CRTAC1: variants seen among roughly 807,000 people sequenced by gnomAD.
The protein encoded by CRTAC1 is cartilage acidic protein 1.
Under a neutral mutation model 67.8 loss-of-function variants are expected in CRTAC1, and 37 were observed. The ratio of observed to expected loss-of-function variants is 0.55; its 90% CI spans 0.42 to 0.72. The LOEUF (loss-of-function observed/expected upper bound fraction) is 0.72, where lower values mean the gene tolerates loss of function less well. Ranked by LOEUF, CRTAC1 falls within the 30% of genes least tolerant of loss-of-function variation. The pLI is 0.00. For missense variants in CRTAC1, 780 were observed against 931.6 expected, an observed-to-expected ratio of 0.84 and a Z score of 2.12; for synonymous variants, 348 against 371.0, an observed-to-expected ratio of 0.94 and a Z score of 0.71.
At chr10:97,994,573 C>T (rs1437045218) in intron 2 of CRTAC1, among the ~76,000 whole-genome samples, 4 of 152,204 alleles carry the variant, frequency 2.6e-5, no homozygotes, top group African/African-American at 9.7e-5. Flanking sequence ...CCTTGGGATT[C>T]TCTCCTCGTC....
chr10:97,910,855 C>T (rs894238342), intron 5 of CRTAC1, among the ~76,000 whole-genome samples: 1 of 152,314 alleles, frequency 6.6e-6, no homozygotes, highest in East Asian at 1.9e-4. Context: ...CTGGATGCCT[C>T]CCAGATTCCT....
chr10:97,905,901 C>T (rs901667648), intron 6 of CRTAC1, among the ~76,000 whole-genome samples: 8 of 152,256 alleles, frequency 5.3e-5, no homozygotes, highest in African/African-American at 1.4e-4. Context: ...TTGCCCAGAG[C>T]GATGGGCTGA....
At chr10:97,920,692 C>T (rs919799139) in intron 4 of CRTAC1, among the ~76,000 whole-genome samples, 3 of 152,190 alleles carry the variant, frequency 2.0e-5, no homozygotes, top group Non-Finnish European at 4.4e-5. Flanking sequence ...CCCCTAACTG[C>T]TCCTCGTCCT....
chr10:98,015,161 AAAAT>A (rs1447157448), intron 1 of CRTAC1, among the ~76,000 whole-genome samples: 3 of 152,234 alleles, frequency 2.0e-5, no homozygotes, highest in Non-Finnish European at 4.4e-5. Context: ...GAAAAAATAA[AAAAT>A]AAATAAAAGG....
intron 2 of CRTAC1, among the ~76,000 whole-genome samples, chr10:97,991,543 T>C (rs1285736072): frequency 6.6e-6 from 1 of 152,146 alleles, no homozygotes; most frequent in Non-Finnish European, 1.5e-5. Flanking sequence ...CCAGGCAAAC[T>C]CCTCCTGTTA....
At chr10:97,871,935 G>A (rs1190476780) in intron 14 of CRTAC1, among the ~76,000 whole-genome samples, 1 of 152,184 alleles carries the variant, frequency 6.6e-6, no homozygotes, top group Non-Finnish European at 1.5e-5. Context: ...AAAAGTGATT[G>A]GGAACCAGCT....
intron 2 of CRTAC1, among the ~76,000 whole-genome samples, chr10:98,008,540 G>A (rs1842843082): frequency 6.6e-6 from 1 of 152,130 alleles, no homozygotes; most frequent in Non-Finnish European, 1.5e-5. Flanking sequence ...TGGGGGAGGA[G>A]TGCAAGGTAC....
intron 1 of CRTAC1, among the ~76,000 whole-genome samples, chr10:98,014,757 C>T (rs1458840197): frequency 2.0e-5 from 3 of 152,214 alleles, no homozygotes; most frequent in Non-Finnish European, 2.9e-5. Context: ...TACCATTTCA[C>T]ACCCATTAGG....
intron 2 of CRTAC1, among the ~76,000 whole-genome samples, chr10:97,963,445 T>C (rs1209800817): frequency 2.0e-5 from 3 of 152,210 alleles, no homozygotes; most frequent in Non-Finnish European, 2.9e-5. Context: ...CTCTCAATTT[T>C]AAGAACCACT....
intron 1 of CRTAC1, among the ~76,000 whole-genome samples, chr10:98,024,174 G>A (rs764374841): frequency 5.9e-5 from 9 of 152,210 alleles, no homozygotes; most frequent in East Asian, 1.9e-4. Flanking sequence ...TCAGGTCACC[G>A]GGACACTCCC....
chr10:98,019,089 T>C (rs1352195020), intron 1 of CRTAC1, among the ~76,000 whole-genome samples: 1 of 151,884 alleles, frequency 6.6e-6, no homozygotes, highest in Non-Finnish European at 1.5e-5. Flanking sequence ...AGCTGGGAAG[T>C]GCTTCCTAGA....
At chr10:97,909,431 A>G (rs913048400) in intron 5 of CRTAC1, among the ~76,000 whole-genome samples, 6 of 152,192 alleles carry the variant, frequency 3.9e-5, no homozygotes, top group Non-Finnish European at 8.8e-5. Context: ...CTTGAGCCTC[A>G]GTTTCCTCAT....
At chr10:97,936,887 G>A (rs1363414736) in intron 2 of CRTAC1, among the ~76,000 whole-genome samples, 1 of 152,184 alleles carries the variant, frequency 6.6e-6, no homozygotes, top group Non-Finnish European at 1.5e-5. Flanking sequence ...CCTAGGAAGT[G>A]TCAGGTGCTG....
intron 5 of CRTAC1, among the ~76,000 whole-genome samples, chr10:97,916,530 G>C (rs981518907): frequency 3.3e-5 from 5 of 152,184 alleles, no homozygotes; most frequent in African/African-American, 1.2e-4. Flanking sequence ...GCAGGACTTT[G>C]AGATGATGCC....
intron 2 of CRTAC1, among the ~76,000 whole-genome samples, chr10:97,940,286 C>T (rs779446070): frequency 3.3e-5 from 5 of 152,212 alleles, no homozygotes; most frequent in Non-Finnish European, 7.3e-5. Context: ...GCAGTCCCCA[C>T]GCTGACAAGC....
At chr10:97,901,880 G>T (rs916286762) in intron 7 of CRTAC1, among the ~76,000 whole-genome samples, 1 of 152,206 alleles carries the variant, frequency 6.6e-6, no homozygotes, top group African/African-American at 2.4e-5. Flanking sequence ...GTGCTTAGCC[G>T]ATCCCTAGTC....
chr10:97,949,722 G>A (rs556560500), intron 2 of CRTAC1, among the ~76,000 whole-genome samples: 2 of 152,336 alleles, frequency 1.3e-5, no homozygotes, highest in East Asian at 3.9e-4. Context: ...GCAGATTTCT[G>A]CTCTGCAACT....
intron 2 of CRTAC1, among the ~76,000 whole-genome samples, chr10:97,942,685 T>C (rs528314083): frequency 6.6e-6 from 1 of 152,098 alleles, no homozygotes; most frequent in South Asian, 2.1e-4. Context: ...ATTTTTTAGA[T>C]TTGAAAGATA....
At position 97,975,984 on chromosome 10, in the gene CRTAC1, C is replaced by T. The variant is rs1460828010; in HGVS notation, c.224+35154G>A. On this transcript the variant is annotated intron_variant, in intron 2 of 14. Transcript: ENST00000370597. This position sits in a 1 kb window ranked among gnomAD's most constrained non-coding sequence, Gnocchi z 4.8. The stretch of plus-strand genomic sequence containing the variant: ...CCCTATAGAGACCACTGACGTGGAG[C>T]CCCCAAACCCAGAGGAAGAGAGACA... 6.6e-6 allele frequency among the ~76,000 whole-genome samples: 1 copy of T among 152,152 alleles called. No individual in the cohort carries two copies. The highest frequency in any genetic ancestry group is 1.5e-5 in the Non-Finnish European group (1 of 68,038).
Sources: gnomAD v4.1 joint callset for allele counts (sites outside exome capture counted in the v4.1 genomes callset) on GRCh38, gnomAD v4.1.1 for gene constraint, Gnocchi (gnomAD v3.1) non-coding constraint, MANE v1.5 for transcripts, NCBI Gene and HGNC (gene_info 2026-07-23, HGNC 2026-07-21) for gene names.